The following FBN2 variants were observed in gnomAD, a reference collection of about 807,000 sequenced individuals.
FBN2 encodes fibrillin-2.
A neutral mutation model predicts 355.6 loss-of-function variants in FBN2; 105 were observed. That is an observed-to-expected ratio of 0.30 (90% CI 0.25 to 0.35). The LOEUF is 0.35. Ranked by LOEUF, FBN2 falls within the 10% of genes least tolerant of loss-of-function variation. FBN2 has a pLI of 1.00. For missense variants in FBN2, 3,280 were observed against 3,758.7 expected (o/e 0.87, Z 3.33); for synonymous variants, 1,350 against 1,301.2 (o/e 1.04, Z -0.81).
intron 7 of FBN2, among the ~76,000 whole-genome samples, chr5:128,444,521 T>G (rs934994667): frequency 6.6e-6 from 1 of 152,244 alleles, no homozygotes; most frequent in African/African-American, 2.4e-5. Flanking sequence ...CTTCTTCCAA[T>G]TCTGCTATTC....
At chr5:128,524,837 G>A (rs13177608) in intron 4 of FBN2, among the ~76,000 whole-genome samples, 29,000 of 152,068 alleles carry the variant, frequency 0.19, 2,906 homozygotes, top group Non-Finnish European at 0.23. Context: ...AAACATTAAG[G>A]AAGATGTCAT....
intron 44 of FBN2, 57 bp from the exon 45 acceptor site, chr5:128,305,139 T>C: frequency 7.1e-7 from 1 of 1,403,966 alleles, no homozygotes; most frequent in Non-Finnish European, 9.9e-7. Flanking sequence ...GATTTCTTCA[T>C]TTTTCACAGT....
intron 5 of FBN2, among the ~76,000 whole-genome samples, chr5:128,466,969 A>T (rs955707838): frequency 1.3e-5 from 2 of 152,180 alleles, no homozygotes; most frequent in African/African-American, 4.8e-5. Flanking sequence ...TACGTGGGGA[A>T]AAGTCTGTTT....
At chr5:128,419,645 T>G (rs2127014127) in intron 7 of FBN2, among the ~76,000 whole-genome samples, 1 of 152,272 alleles carries the variant, frequency 6.6e-6, no homozygotes, top group Non-Finnish European at 1.5e-5. Context: ...TTTCAGATGA[T>G]GAACCAATCT....
rs70997371 is a variant in FBN2, at chr5:128,455,990, C to CAAAAAAAAAAAAAAAAAAA, written c.826+8715_826+8733dup. ...GAGCTCCTTGGGGGAGGGTTAGCAA[C>CAAAAAAAAAAAAAAAAAAA]AAAAAAAAAAAAAAAAAAAAAAAAA... On this transcript the variant is annotated intron_variant, in intron 6 of 64. Transcript: ENST00000262464. 5.1e-4 allele frequency among the ~76,000 whole-genome samples: 13 copies of CAAAAAAAAAAAAAAAAAAA among 25,276 alleles called. 4 individuals are homozygous for CAAAAAAAAAAAAAAAAAAA. The highest frequency in any genetic ancestry group is 7.1e-4 in the Non-Finnish European group (9 of 12,632). 16.6% of individuals were successfully genotyped at this position (25,276 alleles called of 152,430 possible). A position where few individuals can be genotyped will look rare whatever the true frequency, so the allele number is the denominator to read the frequency against.
In FBN2 at chr5:128,300,805, T is replaced by C; in HGVS notation, c.6166+12A>G. ...AACTACTAGTGGGCCTCAGAATAAA[T>C]GTTACTCTTACCAATGCAGTTCTCG... On this transcript the variant is annotated intron_variant, in intron 48 of 64. Transcript: ENST00000262464. The C allele has an allele frequency of 6.2e-7, 1 of 1,613,744 alleles. No individual in the cohort carries two copies.
At chr5:128,511,232 C>G (rs1002920705) in intron 5 of FBN2, among the ~76,000 whole-genome samples, 1 of 152,188 alleles carries the variant, frequency 6.6e-6, no homozygotes, top group Non-Finnish European at 1.5e-5. Context: ...TTGTTTGCCA[C>G]TCCAGAATGA....
At chr5:128,501,576 T>C (rs1357069585) in intron 5 of FBN2, among the ~76,000 whole-genome samples, 1 of 151,938 alleles carries the variant, frequency 6.6e-6, no homozygotes, top group Admixed American at 6.6e-5. Flanking sequence ...TAGGAAAAAA[T>C]AATGAGAAAA....
chr5:128,289,213 T>C lies in FBN2; in HGVS notation c.6551A>G (p.Asn2184Ser), dbSNP rs149071226. Residue 2184 changes from asparagine (N) to serine (S), a missense_variant, in exon 52 of 65, where the codon AAT (asparagine) becomes AGT (serine). Coordinates refer to ENST00000262464, the MANE Select transcript of FBN2 (RefSeq NM_001999.4). ...ECLESPGICS[N>S]GQCINTDGSF... ...TCCGTCGGTGTTGATACATTGACCA[T>C]TTGAACAAATGCCTGGGCTCTCAAG... 1 of 1,613,848 alleles carries C rather than the reference T, an allele frequency of 6.2e-7. No homozygotes were observed. Among genetic ancestry groups the C allele is most frequent in the Non-Finnish European group, 8.5e-7 (1 of 1,179,736 alleles).
chr5:128,290,130 A>T (rs1367810313), intron 50 of FBN2, among the ~76,000 whole-genome samples, 183 bp from the exon 51 acceptor site: 1 of 152,194 alleles, frequency 6.6e-6, no homozygotes, highest in Non-Finnish European at 1.5e-5. Flanking sequence ...GCCACCTTCT[A>T]GGGTGCCACC....
At chr5:128,357,756 A>G (rs1038831853) in intron 19 of FBN2, among the ~76,000 whole-genome samples, 2 of 152,134 alleles carry the variant, frequency 1.3e-5, no homozygotes. Flanking sequence ...TGCTTTGATG[A>G]TTTCATGAGG....
intron 15 of FBN2, among the ~76,000 whole-genome samples, chr5:128,372,542 A>T (rs1172995083): frequency 1.3e-5 from 2 of 152,028 alleles, no homozygotes; most frequent in Non-Finnish European, 2.9e-5. Flanking sequence ...CCTAGGCTGG[A>T]GTGCAGTGGT....
At chr5:128,299,162 G>T (rs1160654774) in intron 48 of FBN2, among the ~76,000 whole-genome samples, 1 of 151,936 alleles carries the variant, frequency 6.6e-6, no homozygotes, top group Admixed American at 6.6e-5. Context: ...AGGGGTCAGG[G>T]ACCCACTTGA....
At chr5:128,262,354 C>T (rs568203313) in intron 63 of FBN2, among the ~76,000 whole-genome samples, 1 of 152,338 alleles carries the variant, frequency 6.6e-6, no homozygotes, top group South Asian at 2.1e-4. Context: ...CCACAATCCC[C>T]TATAATTCTT....
At chr5:128,482,207 A>T (rs1755212225) in intron 5 of FBN2, among the ~76,000 whole-genome samples, 1 of 152,096 alleles carries the variant, frequency 6.6e-6, no homozygotes, top group African/African-American at 2.4e-5. Flanking sequence ...TTCTGCATTC[A>T]AGCCTTCTTC....
chr5:128,452,677 C>A (rs922710458), intron 6 of FBN2, among the ~76,000 whole-genome samples: 2 of 152,120 alleles, frequency 1.3e-5, no homozygotes, highest in Admixed American at 6.5e-5. Flanking sequence ...TTTCTTGTTA[C>A]CAAATTAGAT....
chr5:128,341,881 A>G (rs1055518866), intron 25 of FBN2, among the ~76,000 whole-genome samples: 1 of 152,234 alleles, frequency 6.6e-6, no homozygotes, highest in South Asian at 2.1e-4. Flanking sequence ...CAGTTTAATG[A>G]AAGAATTCGC....
At chr5:128,474,252 T>C (rs747690206) in intron 5 of FBN2, among the ~76,000 whole-genome samples, 1 of 152,206 alleles carries the variant, frequency 6.6e-6, no homozygotes, top group Non-Finnish European at 1.5e-5. Context: ...AAGGATATCG[T>C]CACTTTTGAA....
rs114070767 is a variant in FBN2, at chr5:128,528,129, T to C, written c.437-162A>G. 0.026 allele frequency among the ~76,000 whole-genome samples: 3,896 copies of C among 152,296 alleles called. 173 individuals are homozygous for C. The highest frequency in any genetic ancestry group is 0.09 in the African/African-American group (3,731 of 41,550). On this transcript the variant is annotated intron_variant, in intron 3 of 64. Coordinates refer to ENST00000262464, the MANE Select transcript of FBN2 (RefSeq NM_001999.4). ...AACATATTTTTATTCATCATTTCTT[T>C]ATAAGTGCACACATGGGCATATCTG... is the stretch of plus-strand genomic sequence containing the variant.
Sources: gnomAD v4.1 joint callset for allele counts (sites outside exome capture counted in the v4.1 genomes callset) on GRCh38, gnomAD v4.1.1 for gene constraint, MANE v1.5 for transcripts, NCBI Gene and HGNC (gene_info 2026-07-23, HGNC 2026-07-21) for gene names.